HCRTR2: variants seen among roughly 807,000 people sequenced by gnomAD.
The protein encoded by HCRTR2 is hypocretin receptor 2.
HCRTR2 carries 22 observed loss-of-function variants against 49.0 expected under a neutral mutation model. That is an observed-to-expected ratio of 0.45 (90% CI 0.32 to 0.64). The LOEUF (loss-of-function observed/expected upper bound fraction) is 0.64, where lower values mean the gene tolerates loss of function less well. Ranked by LOEUF, HCRTR2 falls within the 30% of genes least tolerant of loss-of-function variation. HCRTR2 has a pLI of 0.04. For synonymous variants in HCRTR2, 236 were observed against 205.3 expected (o/e 1.15, Z -1.28); for missense variants, 491 against 559.4 (o/e 0.88, Z 1.23).
At chr6:55,155,080 A>G (rs1764712837) in intron 1 of HCRTR2, among the ~76,000 whole-genome samples, 2 of 151,918 alleles carry the variant, frequency 1.3e-5, no homozygotes, top group East Asian at 1.9e-4. Flanking sequence ...ATTAAAGAAG[A>G]TACAATAAAT....
chr6:55,239,674 A>G (rs935579973), intron 1 of HCRTR2, among the ~76,000 whole-genome samples: 4 of 152,182 alleles, frequency 2.6e-5, no homozygotes, highest in Admixed American at 6.5e-5. Flanking sequence ...GCAATGAGAA[A>G]ATATTTGTCC....
Position 55,174,650 on chromosome 6 carries a change from G to C in HCRTR2, c.63G>C (p.Leu21=), listed in dbSNP as rs916194906. 6.2e-7 allele frequency: 1 copy of C among 1,614,074 alleles called. No homozygotes were observed. Among genetic ancestry groups the C allele is most frequent in the African/African-American group, 1.3e-5 (1 of 75,002 alleles). The change falls in exon 1 of 7, where the codon CTG becomes CTC. Residue 21 remains leucine (L), a synonymous_variant. Coordinates refer to ENST00000370862, the MANE Select transcript of HCRTR2 (RefSeq NM_001384272.1). ...PCRNWSSASE[L]NETQEPFLNP... is the part of the protein sequence containing the mutation. ...GCAACTGGTCATCTGCTTCGGAGCTGAATGAAACTCAAGAGCCCTTTTTAA... is the reference window on the plus strand; with the variant it reads ...GCAACTGGTCATCTGCTTCGGAGCTCAATGAAACTCAAGAGCCCTTTTTAA...
At chr6:55,187,090 A>G (rs1765228733) in intron 1 of HCRTR2, among the ~76,000 whole-genome samples, 1 of 152,050 alleles carries the variant, frequency 6.6e-6, no homozygotes, top group Non-Finnish European at 1.5e-5. Flanking sequence ...AAAAAAAATC[A>G]AAGTGTAACC....
chr6:55,135,341 G>A (rs150318515), intron 1 of HCRTR2, among the ~76,000 whole-genome samples: 31 of 152,204 alleles, frequency 2.0e-4, no homozygotes, highest in African/African-American at 5.5e-4. Flanking sequence ...TCACCTAAAT[G>A]TGGTCTCCCA....
intron 1 of HCRTR2, among the ~76,000 whole-genome samples, chr6:55,233,649 C>G (rs1008895722): frequency 6.6e-6 from 1 of 152,038 alleles, no homozygotes. Context: ...GAGGGAGGAT[C>G]GTGCCACTGC....
At chr6:55,118,599 G>T (rs143528624) in intron 1 of HCRTR2, among the ~76,000 whole-genome samples, 1 of 151,698 alleles carries the variant, frequency 6.6e-6, no homozygotes, top group South Asian at 2.1e-4. Context: ...CATTCTCACT[G>T]GTGTTAGGTA....
intron 1 of HCRTR2, among the ~76,000 whole-genome samples, chr6:55,129,515 A>G (rs75903621): frequency 5.7e-4 from 87 of 152,234 alleles, no homozygotes; most frequent in African/African-American, 1.7e-3. Context: ...GAACATTGCC[A>G]AAAATGGCAG....
chr6:55,122,875 C>T (rs560082113), intron 1 of HCRTR2, among the ~76,000 whole-genome samples: 1 of 149,456 alleles, frequency 6.7e-6, no homozygotes, highest in Admixed American at 6.9e-5. Context: ...GGACAAAAAA[C>T]CAAACACCGC....
At chr6:55,136,006 T>C (rs1561983036) in intron 1 of HCRTR2, among the ~76,000 whole-genome samples, 1 of 152,198 alleles carries the variant, frequency 6.6e-6, no homozygotes, top group Non-Finnish European at 1.5e-5. Flanking sequence ...CCTGCTTCCC[T>C]TCTCAGTCTA....
At chr6:55,282,901 A>G (rs547764952), downstream of HCRTR2, among the ~76,000 whole-genome samples, 1 of 150,672 alleles carries the variant, frequency 6.6e-6, no homozygotes, top group Non-Finnish European at 1.5e-5. Context: ...GTTTTTTTAA[A>G]AAAAATCACA....
chr6:55,166,179 T>C (rs1025713844), intron 1 of HCRTR2, among the ~76,000 whole-genome samples: 1 of 152,156 alleles, frequency 6.6e-6, no homozygotes, highest in South Asian at 2.1e-4. Context: ...TAAATCCCAC[T>C]TGATCATGGT....
intron 1 of HCRTR2, among the ~76,000 whole-genome samples, chr6:55,189,388 A>G (rs1172297066): frequency 6.6e-6 from 1 of 152,226 alleles, no homozygotes; most frequent in Non-Finnish European, 1.5e-5. Context: ...AATATGAAAA[A>G]AAATGAAACA....
chr6:55,155,531 A>C (rs1314554301), intron 1 of HCRTR2, among the ~76,000 whole-genome samples: 3 of 151,982 alleles, frequency 2.0e-5, no homozygotes, highest in Non-Finnish European at 4.4e-5. Flanking sequence ...GTTGTCTTTC[A>C]GGCAAGATAT....
chr6:55,216,531 A>G (rs1344042761), intron 1 of HCRTR2, among the ~76,000 whole-genome samples: 1 of 152,220 alleles, frequency 6.6e-6, no homozygotes, highest in African/African-American at 2.4e-5. Flanking sequence ...AATAAACTAG[A>G]AGAAGGGGTT....
At chr6:55,113,997 G>C (rs1319596958) in intron 1 of HCRTR2, among the ~76,000 whole-genome samples, 1 of 151,896 alleles carries the variant, frequency 6.6e-6, no homozygotes, top group Non-Finnish European at 1.5e-5. Context: ...TAGCAACCTG[G>C]ATGGAATCGG....
chr6:55,252,211 C>T (rs909306224), intron 2 of HCRTR2, among the ~76,000 whole-genome samples: 1 of 152,080 alleles, frequency 6.6e-6, no homozygotes, highest in Non-Finnish European at 1.5e-5. Flanking sequence ...ATCACACTAG[C>T]ATATTCCTCC....
In HCRTR2 at chr6:55,167,013, G is replaced by T. The variant is rs71560898; in HGVS notation, c.-377-7198G>T. Among the ~76,000 whole-genome samples, 1,131 of 152,190 alleles carry T rather than the reference G, an allele frequency of 7.4e-3. 9 individuals are homozygous for T. The highest frequency in any genetic ancestry group is 0.031 in the Middle Eastern group (9 of 294). On this transcript the variant is annotated intron_variant, in intron 1 of 7. Coordinates refer to the HCRTR2 transcript ENST00000615358. ...CACTGAAGAAGAAACTTGAGTGTTT[G>T]CCAGCATGTGGGAGGAGAGGAAAAT...
At chr6:55,262,392 T>TA (rs369285025) in intron 3 of HCRTR2, among the ~76,000 whole-genome samples, 1 of 136,364 alleles carries the variant, frequency 7.3e-6, no homozygotes, top group African/African-American at 2.8e-5. Flanking sequence ...ATATTATATA[T>TA]AAATATATAA....
intron 1 of HCRTR2, among the ~76,000 whole-genome samples, chr6:55,129,137 T>C (rs1325125198): frequency 6.6e-6 from 1 of 152,180 alleles, no homozygotes; most frequent in African/African-American, 2.4e-5. Context: ...ATGCTAATTA[T>C]GCAATTTAAT....
Sources: gnomAD v4.1 joint callset for allele counts (sites outside exome capture counted in the v4.1 genomes callset) on GRCh38, gnomAD v4.1.1 for gene constraint, MANE v1.5 for transcripts, NCBI Gene and HGNC (gene_info 2026-07-23, HGNC 2026-07-21) for gene names.